The following SCML4 variants were observed in gnomAD, a reference collection of about 807,000 sequenced individuals.
The protein encoded by SCML4 is Scm polycomb group protein like 4.
A neutral mutation model predicts 41.1 loss-of-function variants in SCML4; 34 were observed. That is an observed-to-expected ratio of 0.83 (90% CI 0.63 to 1.10). The LOEUF is 1.10. Ranked by LOEUF, SCML4 falls within the 50% of genes least tolerant of loss-of-function variation. The pLI is 0.00. For synonymous variants in SCML4, 214 were observed against 220.9 expected (o/e 0.97, Z 0.28); for missense variants, 522 against 534.1 (o/e 0.98, Z 0.22).
intron 1 of SCML4, among the ~76,000 whole-genome samples, chr6:107,820,710 G>A (rs1033685728): frequency 2.0e-5 from 3 of 152,200 alleles, no homozygotes; most frequent in African/African-American, 4.8e-5. Flanking sequence ...CAGCCAGGGC[G>A]TTCGGACTTG....
intron 1 of SCML4, among the ~76,000 whole-genome samples, chr6:107,822,168 G>T (rs1784988017): frequency 6.6e-6 from 1 of 152,160 alleles, no homozygotes; most frequent in African/African-American, 2.4e-5. Context: ...GGTAGTGCTT[G>T]AATTTTTTAA....
upstream of SCML4, among the ~76,000 whole-genome samples, chr6:107,824,975 C>A (rs900260219): frequency 6.6e-6 from 1 of 152,028 alleles, no homozygotes; most frequent in African/African-American, 2.4e-5. Context: ...TTAAAGCCGG[C>A]CCTGACTTTG....
intron 1 of SCML4, among the ~76,000 whole-genome samples, chr6:107,813,669 A>G (rs754158218): frequency 6.6e-5 from 10 of 152,070 alleles, no homozygotes; most frequent in Non-Finnish European, 1.3e-4. Context: ...AAGGCACAAT[A>G]CAACAGAAAG....
rs1773488206 is a variant in SCML4, at chr6:107,705,253, G to A, written c.1192C>T (p.Pro398Ser). 1 of 1,551,346 alleles carries A rather than the reference G, an allele frequency of 6.4e-7. No homozygotes were observed. Among genetic ancestry groups the A allele is most frequent in the South Asian group, 1.2e-5 (1 of 84,042 alleles). The stretch of plus-strand genomic sequence containing the variant: ...ATGTGGTAGCAGAGTTTCAGTGCAG[G>A]TCCCAGCTTCAGGCCCAGGTACTTC... The part of the protein sequence containing the change: ...VMKYLGLKLG[P>S]ALKLCYHIDK... Residue 398 changes from proline (P) to serine (S), a missense_variant, in exon 8 of 8, where the codon CCT (proline) becomes TCT (serine). Coordinates refer to ENST00000369020, the MANE Select transcript of SCML4 (RefSeq NM_198081.5).
At chr6:107,782,622 A>G (rs1781595488) in intron 1 of SCML4, among the ~76,000 whole-genome samples, 1 of 150,416 alleles carries the variant, frequency 6.6e-6, no homozygotes, top group Non-Finnish European at 1.5e-5. Flanking sequence ...GCTGCTGGAT[A>G]AGTTTGCCTG....
At chr6:107,820,529 C>G (rs1784870089) in intron 1 of SCML4, among the ~76,000 whole-genome samples, 2 of 152,220 alleles carry the variant, frequency 1.3e-5, no homozygotes, top group Admixed American at 1.3e-4. Context: ...CCTCTGTAAG[C>G]ATGTCCAAAA....
At chr6:107,736,402 C>A (rs1205298675) in intron 5 of SCML4, among the ~76,000 whole-genome samples, 1 of 152,182 alleles carries the variant, frequency 6.6e-6, no homozygotes, top group Non-Finnish European at 1.5e-5. Flanking sequence ...ACGGGCCTTA[C>A]AGACAGCAGA....
intron 1 of SCML4, among the ~76,000 whole-genome samples, chr6:107,789,342 G>A (rs973048739): frequency 6.6e-6 from 1 of 152,172 alleles, no homozygotes; most frequent in Non-Finnish European, 1.5e-5. Context: ...GGGTAGACGG[G>A]AGGGAAGCGG....
chr6:107,714,809 T>C (rs1774590780), intron 6 of SCML4, among the ~76,000 whole-genome samples: 1 of 151,936 alleles, frequency 6.6e-6, no homozygotes, highest in Non-Finnish European at 1.5e-5. Flanking sequence ...GATGATGTCA[T>C]TCCATAAATG....
At chr6:107,797,495 C>A (rs1467333579) in intron 1 of SCML4, among the ~76,000 whole-genome samples, 1 of 151,994 alleles carries the variant, frequency 6.6e-6, no homozygotes. Context: ...TAGTAAACTA[C>A]TTCTAAGTGA....
intron 1 of SCML4, among the ~76,000 whole-genome samples, chr6:107,803,089 C>T (rs1361332321): frequency 6.6e-6 from 1 of 151,902 alleles, no homozygotes; most frequent in Non-Finnish European, 1.5e-5. Flanking sequence ...GATCTCGGCT[C>T]GCTACAACTT....
intron 1 of SCML4, among the ~76,000 whole-genome samples, chr6:107,814,767 G>A (rs529962623): frequency 5.3e-5 from 8 of 152,292 alleles, no homozygotes; most frequent in African/African-American, 1.9e-4. Flanking sequence ...TGGCCAGGCT[G>A]GTCTCGAGCT....
chr6:107,796,011 T>C (rs1782683258), intron 1 of SCML4, among the ~76,000 whole-genome samples: 1 of 152,254 alleles, frequency 6.6e-6, no homozygotes, highest in African/African-American at 2.4e-5. Flanking sequence ...GCAGTTCATT[T>C]CTTTTTATTG....
Position 107,720,970 on chromosome 6 carries a change from A to G in SCML4, c.706T>C (p.Tyr236His), listed in dbSNP as rs1402061363. The G allele has an allele frequency of 1.9e-6, 3 of 1,611,920 alleles. No homozygotes were observed. The highest frequency in any genetic ancestry group is 1.7e-5 in the Admixed American group (1 of 59,818). ...TTCATGCCCACAGGGTTCACCAGGT[A>G]CTCTTCGGTGGTGACTGTCTTGACT... ...ESVKTVTTEE[Y>H]LVNPVGMNRY... is the part of the protein sequence containing the mutation. The change falls in exon 6 of 8, where the codon TAC (tyrosine) becomes CAC (histidine). Residue 236 changes from tyrosine (Y) to histidine (H), a missense_variant. Coordinates refer to ENST00000369020, the MANE Select transcript of SCML4 (RefSeq NM_198081.5).
intron 7 of SCML4, among the ~76,000 whole-genome samples, chr6:107,705,866 C>A (rs1773565847): frequency 6.6e-6 from 1 of 152,180 alleles, no homozygotes; most frequent in African/African-American, 2.4e-5. Flanking sequence ...CCTGCTTCAT[C>A]TCAGGGTTCA....
At chr6:107,778,222 AATATATATAT>A (rs1163805768) in intron 1 of SCML4, among the ~76,000 whole-genome samples, 154 of 15,252 alleles carry the variant, frequency 0.01, no homozygotes, top group Middle Eastern at 0.033. Context: ...AAAAAAAAAA[AATATATATAT>A]ATATATATAT....
chr6:107,708,495 T>C (rs1773903578), intron 6 of SCML4, among the ~76,000 whole-genome samples: 1 of 152,136 alleles, frequency 6.6e-6, no homozygotes. Flanking sequence ...ATTGAGAGGA[T>C]AGAGGCATGG....
chr6:107,721,790 CAT>C (rs1775446891), intron 5 of SCML4, among the ~76,000 whole-genome samples: 1 of 152,128 alleles, frequency 6.6e-6, no homozygotes, highest in South Asian at 2.1e-4. Flanking sequence ...GATACAAACA[CAT>C]GAGGGCAGCC....
chr6:107,753,044 T>C (rs1422522231), intron 2 of SCML4, among the ~76,000 whole-genome samples: 1 of 152,124 alleles, frequency 6.6e-6, no homozygotes, highest in Non-Finnish European at 1.5e-5. Context: ...GAACTAGCCA[T>C]AGCAAAGGAA....
Sources: gnomAD v4.1 joint callset for allele counts (sites outside exome capture counted in the v4.1 genomes callset) on GRCh38, gnomAD v4.1.1 for gene constraint, MANE v1.5 for transcripts, NCBI Gene and HGNC (gene_info 2026-07-23, HGNC 2026-07-21) for gene names.